Variants in UBE2D3 observed in about 807,000 individuals in gnomAD.
UBE2D3 encodes the protein ubiquitin-conjugating enzyme E2 D3.
Under a neutral mutation model 22.8 loss-of-function variants are expected in UBE2D3, and 2 were observed. The ratio of observed to expected loss-of-function variants is 0.09; its 90% CI spans 0.04 to 0.28. The LOEUF (loss-of-function observed/expected upper bound fraction) is 0.28, where lower values mean the gene tolerates loss of function less well. Ranked by LOEUF, UBE2D3 falls within the 10% of genes least tolerant of loss-of-function variation. The probability of loss-of-function intolerance (pLI) is 1.00; values close to 1 mark genes in which losing one functional copy is unlikely to be tolerated. For synonymous variants in UBE2D3, 56 were observed against 60.4 expected, an observed-to-expected ratio of 0.93 and a Z score of 0.34; for missense variants, 27 against 182.5, an observed-to-expected ratio of 0.15 and a Z score of 4.91.
chr4:102,811,661 G>C (rs188301048), intron 2 of UBE2D3: 1 of 356,060 alleles, frequency 2.8e-6, no homozygotes, highest in Non-Finnish European at 5.4e-6. Flanking sequence ...AAAAGAGTGA[G>C]ACTGTCTCAA....
chr4:102,826,168 AC>A (rs750412298), intron 2 of UBE2D3, among the ~76,000 whole-genome samples: 4 of 151,780 alleles, frequency 2.6e-5, no homozygotes, highest in African/African-American at 4.8e-5. Flanking sequence ...CGCAATTCGG[AC>A]CCCCAAAAAA....
At chr4:102,812,514 T>C (rs1728197080) in intron 2 of UBE2D3, 1 of 152,196 alleles carries the variant, frequency 6.6e-6, no homozygotes, top group African/African-American at 2.4e-5. Context: ...TCCAAGTCTT[T>C]TAGAAAATTA....
chr4:102,808,332 G>A (rs1265534107), intron 4 of UBE2D3, among the ~76,000 whole-genome samples: 7 of 152,156 alleles, frequency 4.6e-5, no homozygotes, highest in African/African-American at 1.7e-4. Context: ...TTAACTGCGT[G>A]TATTAAAATT....
chr4:102,799,808 T>G (rs1389779100), intron 6 of UBE2D3, among the ~76,000 whole-genome samples: 9 of 131,266 alleles, frequency 6.9e-5, no homozygotes, highest in Non-Finnish European at 1.6e-5. Flanking sequence ...ATATTAGAAC[T>G]TGAGTTTCTT....
intron 2 of UBE2D3, among the ~76,000 whole-genome samples, chr4:102,813,774 A>G (rs1578244753): frequency 6.6e-6 from 1 of 152,340 alleles, no homozygotes. Flanking sequence ...AATGTGAAGA[A>G]AGGCTTTGTC....
At chr4:102,828,003 T>C (rs1323196107), upstream of UBE2D3, 1 of 985,292 alleles carries the variant, frequency 1.0e-6, no homozygotes, top group Non-Finnish European at 1.2e-6. Context: ...AAGCGGTAGC[T>C]CTGCAATGAC....
chr4:102,813,568 T>C (rs223410), intron 2 of UBE2D3, among the ~76,000 whole-genome samples: 88,471 of 151,914 alleles, frequency 0.58, 27,295 homozygotes, highest in African/African-American at 0.8. Context: ...AGACTCAATT[T>C]GAAAAGTATA....
At chr4:102,815,319 C>T (rs1394058934) in intron 2 of UBE2D3, among the ~76,000 whole-genome samples, 1 of 151,938 alleles carries the variant, frequency 6.6e-6, no homozygotes, top group African/African-American at 2.4e-5. Context: ...GGATTACAGG[C>T]GTGAGCCACC....
intron 1 of UBE2D3, among the ~76,000 whole-genome samples, chr4:102,855,687 T>C (rs1399782133): frequency 6.6e-6 from 1 of 152,142 alleles, no homozygotes; most frequent in African/African-American, 2.4e-5. Flanking sequence ...CCTCCTGAAG[T>C]GCTGTGATTA....
At chr4:102,816,814 T>C (rs1045936704) in intron 2 of UBE2D3, among the ~76,000 whole-genome samples, 2 of 152,202 alleles carry the variant, frequency 1.3e-5, no homozygotes, top group East Asian at 1.9e-4. Context: ...CATTCATTCA[T>C]AGGAACATTG....
Position 102,868,773 on chromosome 4 carries a change from T to C in UBE2D3, c.-187A>G, listed in dbSNP as rs1560899359. On this transcript the variant is annotated 5_prime_UTR_variant, in exon 1 of 8. Transcript: ENST00000338145. ...CACATGCTTATCTCATCGCACACAG[T>C]ATCCTTTCTGCTGGTCTCCAGCATC... 7.4e-6 allele frequency: 12 copies of C among 1,613,888 alleles called. No individual in the cohort carries two copies. In the Admixed American group the frequency reaches 2.0e-4, roughly 27 times the overall value.
intron 2 of UBE2D3, chr4:102,825,744 C>T: frequency 2.0e-6 from 1 of 492,660 alleles, no homozygotes; most frequent in Non-Finnish European, 3.8e-6. Context: ...TTACTGCCAT[C>T]GCACCCCTTA....
In UBE2D3 at chr4:102,853,135, A is replaced by ATCTTTTTTTTTTTTTTT. The variant is rs386626793; in HGVS notation, c.-129+15579_-129+15580insAAAAAAAAAAAAAAAGA. 8.0e-4 allele frequency among the ~76,000 whole-genome samples: 71 copies of ATCTTTTTTTTTTTTTTT among 88,604 alleles called. 17 individuals are homozygous for ATCTTTTTTTTTTTTTTT. Among genetic ancestry groups the ATCTTTTTTTTTTTTTTT allele is most frequent in the Middle Eastern group, 0.018 (2 of 112 alleles). 58.1% of individuals were successfully genotyped at this position (88,604 alleles called of 152,430 possible). On this transcript the variant is annotated intron_variant, in intron 1 of 7. Transcript: ENST00000338145. ...GTCAAAATTACACACAAACACACACATTTTTTTTTTTTTTTTTTTTTTTTT... is the reference window on the plus strand; with the variant it reads ...GTCAAAATTACACACAAACACACACATCTTTTTTTTTTTTTTTTTTTTTTTTTTTTTTTTTTTTTTTT...
chr4:102,854,383 G>C (rs1335777034), intron 1 of UBE2D3, among the ~76,000 whole-genome samples: 1 of 151,900 alleles, frequency 6.6e-6, no homozygotes, highest in African/African-American at 2.4e-5. Flanking sequence ...TTTTCTGCCT[G>C]CTGGATGAAT....
intron 4 of UBE2D3, among the ~76,000 whole-genome samples, chr4:102,808,894 C>G (rs1029080591): frequency 7.2e-5 from 11 of 152,068 alleles, no homozygotes; most frequent in African/African-American, 2.7e-4. Flanking sequence ...ATATTACTTA[C>G]TGACCATTAT....
intron 2 of UBE2D3, chr4:102,825,159 G>C: frequency 1.2e-6 from 1 of 835,450 alleles, no homozygotes; most frequent in Non-Finnish European, 1.4e-6. Flanking sequence ...GTCTATTTTA[G>C]TAAAGGCAAA....
intron 2 of UBE2D3, among the ~76,000 whole-genome samples, chr4:102,815,188 T>A (rs223408): frequency 0.22 from 32,954 of 151,748 alleles, 3,636 homozygotes; most frequent in Admixed American, 0.26. Context: ...GAACTAGAGA[T>A]GTGCGCCACC....
chr4:102,853,326 T>A (rs1732468483), intron 1 of UBE2D3, among the ~76,000 whole-genome samples: 1 of 148,838 alleles, frequency 6.7e-6, no homozygotes, highest in African/African-American at 2.5e-5. Flanking sequence ...TAGCAATCTC[T>A]TTTCTGTGAA....
At position 102,864,831 on chromosome 4, in the gene UBE2D3, T is replaced by C. The variant is rs144826051; in HGVS notation, c.-129+3884A>G. ...GACAGTATGGTATTGTTATAGAGGT[T>C]ATACAAATACAGCAATGGAAGAGAA... On this transcript the variant is annotated intron_variant, in intron 1 of 7. Coordinates refer to the UBE2D3 transcript ENST00000338145. Among the ~76,000 whole-genome samples, 161 of 152,322 alleles carry C rather than the reference T, an allele frequency of 1.1e-3. 1 individual carries two copies. The highest frequency in any genetic ancestry group is 3.8e-3 in the African/African-American group (159 of 41,572).
Sources: allele counts gnomAD v4.1 joint callset (sites outside exome capture counted in the v4.1 genomes callset), GRCh38; gene constraint gnomAD v4.1.1; transcripts MANE v1.5; gene names NCBI Gene and HGNC (gene_info 2026-07-23, HGNC 2026-07-21).